The following ADAMTS17 variants were observed in gnomAD, a reference collection of about 807,000 sequenced individuals.
The protein encoded by ADAMTS17 is ADAM metallopeptidase with thrombospondin type 1 motif 17.
Under a neutral mutation model 141.5 loss-of-function variants are expected in ADAMTS17, and 113 were observed. The ratio of observed to expected loss-of-function variants is 0.80; its 90% CI spans 0.69 to 0.93. ADAMTS17 has a LOEUF of 0.93. Ranked by LOEUF, ADAMTS17 falls within the 40% of genes least tolerant of loss-of-function variation. The probability of loss-of-function intolerance (pLI) is 0.00; values close to 1 mark genes in which losing one functional copy is unlikely to be tolerated. For missense variants in ADAMTS17, 1,659 were observed against 1,517.9 expected (o/e 1.09, Z -1.54); for synonymous variants, 768 against 630.6 (o/e 1.22, Z -3.27).
At chr15:100,062,405 C>G (rs1287404259) in intron 15 of ADAMTS17, among the ~76,000 whole-genome samples, 1 of 152,202 alleles carries the variant, frequency 6.6e-6, no homozygotes, top group Non-Finnish European at 1.5e-5. Context: ...AATGGGCATG[C>G]CTGCCTTCCC....
intron 20 of ADAMTS17, among the ~76,000 whole-genome samples, chr15:99,978,136 G>C (rs1272687979): frequency 6.6e-6 from 1 of 152,168 alleles, no homozygotes; most frequent in African/African-American, 2.4e-5. Context: ...GGCCTTGCTG[G>C]AGAAAGGACC....
At chr15:100,292,401 AG>A (rs1567497735) in intron 3 of ADAMTS17, among the ~76,000 whole-genome samples, 2 of 150,946 alleles carry the variant, frequency 1.3e-5, no homozygotes, top group African/African-American at 4.9e-5. Flanking sequence ...AAATTACGAG[AG>A]ACACTCACCC....
chr15:100,304,983 C>T (rs1293089842), intron 3 of ADAMTS17, among the ~76,000 whole-genome samples: 1 of 151,220 alleles, frequency 6.6e-6, no homozygotes, highest in African/African-American at 2.4e-5. Flanking sequence ...CTCTAGCTTA[C>T]TATATTGAAA....
At chr15:100,061,201 G>A (rs997181761) in intron 15 of ADAMTS17, among the ~76,000 whole-genome samples, 11 of 152,158 alleles carry the variant, frequency 7.2e-5, no homozygotes, top group Non-Finnish European at 1.6e-4. Context: ...GTCTCCATCC[G>A]GCAGTCTCTG....
At chr15:100,248,802 A>ATT (rs56163057) in intron 7 of ADAMTS17, among the ~76,000 whole-genome samples, 1,589 of 141,738 alleles carry the variant, frequency 0.011, 33 homozygotes, top group African/African-American at 0.037. Flanking sequence ...TCTGGTGTTA[A>ATT]TTTTTTTTTT....
At chr15:100,102,337 CG>C (rs1567175792) in intron 14 of ADAMTS17, among the ~76,000 whole-genome samples, 2 of 135,236 alleles carry the variant, frequency 1.5e-5, no homozygotes, top group African/African-American at 3.0e-5. Context: ...GAGGGCCGAC[CG>C]AAGGGGATCT....
intron 7 of ADAMTS17, among the ~76,000 whole-genome samples, chr15:100,244,192 G>C (rs1395296043): frequency 1.3e-5 from 2 of 151,762 alleles, no homozygotes; most frequent in African/African-American, 4.8e-5. Flanking sequence ...CCTATCACCA[G>C]AACAGCACAG....
At chr15:100,308,012 T>A (rs963700513) in intron 3 of ADAMTS17, among the ~76,000 whole-genome samples, 5 of 152,244 alleles carry the variant, frequency 3.3e-5, no homozygotes, top group Non-Finnish European at 7.3e-5. Flanking sequence ...CAAAAACGTC[T>A]CCACTTTACA....
chr15:100,063,455 C>T lies in ADAMTS17; in HGVS notation c.2138-9401G>A, dbSNP rs541260015. Among the ~76,000 whole-genome samples the T allele has an allele frequency of 2.6e-5, 4 of 152,274 alleles. No individual in the cohort carries two copies. In the South Asian group the frequency reaches 8.3e-4, roughly 32 times the overall value. On this transcript the variant is annotated intron_variant, in intron 15 of 21. Transcript: ENST00000268070. ...TCCTTCCTGTCCCAAGCTTGTCTTC[C>T]ATCATTTTCCTTCCTGTTCCCGCCC...
At chr15:100,067,433 C>T (rs557299100) in intron 15 of ADAMTS17, among the ~76,000 whole-genome samples, 53 of 152,334 alleles carry the variant, frequency 3.5e-4, no homozygotes, top group African/African-American at 7.5e-4. Context: ...TTTCTAAGCA[C>T]GGATAACAGG....
At chr15:100,102,354 T>G (rs1396203436) in intron 14 of ADAMTS17, among the ~76,000 whole-genome samples, 1 of 130,256 alleles carries the variant, frequency 7.7e-6, no homozygotes, top group Non-Finnish European at 1.6e-5. Context: ...GATCTACATT[T>G]GAGGGCCAAC....
chr15:100,271,697 T>G (rs570361610), intron 4 of ADAMTS17, among the ~76,000 whole-genome samples: 1 of 152,334 alleles, frequency 6.6e-6, no homozygotes, highest in East Asian at 1.9e-4. Flanking sequence ...TTTACTTTGT[T>G]GATAGTATCC....
chr15:100,296,425 T>C (rs1422497637), intron 3 of ADAMTS17, among the ~76,000 whole-genome samples: 2 of 152,272 alleles, frequency 1.3e-5, no homozygotes, highest in South Asian at 2.1e-4. Context: ...TCTTTTTTTT[T>C]CCAAAAGGCA....
At chr15:100,248,224 T>C (rs962148156) in intron 7 of ADAMTS17, among the ~76,000 whole-genome samples, 2 of 151,998 alleles carry the variant, frequency 1.3e-5, no homozygotes, top group African/African-American at 4.8e-5. Context: ...AATTAAAAAA[T>C]AGTAGGAGAC....
chr15:100,132,226 A>G, intron 11 of ADAMTS17, 74 bp from the exon 12 acceptor site: 1 of 1,560,596 alleles, frequency 6.4e-7, no homozygotes, highest in Non-Finnish European at 8.7e-7. Flanking sequence ...AGGCCCCAAA[A>G]TGCCGTGCTG....
At chr15:99,998,982 G>A (rs989574618) in intron 18 of ADAMTS17, among the ~76,000 whole-genome samples, 4 of 152,162 alleles carry the variant, frequency 2.6e-5, no homozygotes, top group African/African-American at 7.2e-5. Flanking sequence ...ATGCCATGCC[G>A]GGCCATCCCA....
intron 3 of ADAMTS17, among the ~76,000 whole-genome samples, chr15:100,310,013 A>G (rs1440382178): frequency 6.6e-6 from 1 of 152,206 alleles, no homozygotes; most frequent in Non-Finnish European, 1.5e-5. Context: ...GGATGCACAG[A>G]TGCTCTTGTC....
intron 8 of ADAMTS17, among the ~76,000 whole-genome samples, chr15:100,157,034 G>C (rs2039467978): frequency 6.6e-6 from 1 of 152,186 alleles, no homozygotes; most frequent in African/African-American, 2.4e-5. Flanking sequence ...GAAGGTGAAG[G>C]GGAAGCAAAG....
intron 13 of ADAMTS17, among the ~76,000 whole-genome samples, chr15:100,114,578 A>T (rs1330890463): frequency 1.3e-5 from 2 of 152,204 alleles, no homozygotes; most frequent in Non-Finnish European, 2.9e-5. Context: ...CAAAGCCCCG[A>T]GCGTGGGGTC....
Sources: allele counts gnomAD v4.1 joint callset (sites outside exome capture counted in the v4.1 genomes callset), GRCh38; gene constraint gnomAD v4.1.1; transcripts MANE v1.5; gene names NCBI Gene and HGNC (gene_info 2026-07-23, HGNC 2026-07-21).